RTN3: variants seen among roughly 807,000 people sequenced by gnomAD.
The protein encoded by RTN3 is reticulon-3.
In RTN3, 49 loss-of-function variants were observed where a neutral mutation model predicts 77.8. The observed-to-expected ratio is 0.63, with a 90% CI of 0.50 to 0.80. The LOEUF (loss-of-function observed/expected upper bound fraction) is 0.80, where lower values mean the gene tolerates loss of function less well. RTN3 is among the 30% of genes least tolerant of loss of function. The probability of loss-of-function intolerance (pLI) is 0.00; values close to 1 mark genes in which losing one functional copy is unlikely to be tolerated. For missense variants in RTN3, 1,236 were observed against 1,211.9 expected (o/e 1.02, Z -0.29); for synonymous variants, 464 against 446.9 (o/e 1.04, Z -0.48).
At chr11:63,731,564 T>A (rs954362866) in intron 3 of RTN3, among the ~76,000 whole-genome samples, 2 of 152,214 alleles carry the variant, frequency 1.3e-5, no homozygotes, top group Non-Finnish European at 2.9e-5. Context: ...ATTAAGTGAT[T>A]TAAACTGAAT....
intron 1 of RTN3, among the ~76,000 whole-genome samples, chr11:63,689,964 G>A (rs1941569052): frequency 6.6e-6 from 1 of 151,956 alleles, no homozygotes; most frequent in Non-Finnish European, 1.5e-5. Context: ...CACCATGTTG[G>A]TCAGGCTGGT....
intron 3 of RTN3, among the ~76,000 whole-genome samples, chr11:63,740,836 G>T (rs143636720): frequency 2.6e-5 from 4 of 152,128 alleles, no homozygotes; most frequent in Non-Finnish European, 5.9e-5. Flanking sequence ...GCAGAGGTTG[G>T]CAGTCAAATG....
chr11:63,698,970 T>C (rs1234058297), intron 1 of RTN3, among the ~76,000 whole-genome samples: 1 of 152,184 alleles, frequency 6.6e-6, no homozygotes, highest in Non-Finnish European at 1.5e-5. Context: ...TTAGGCAACT[T>C]TTTTATATTG....
intron 3 of RTN3, among the ~76,000 whole-genome samples, chr11:63,748,690 CGG>C: frequency 9.1e-6 from 1 of 109,292 alleles, no homozygotes; most frequent in East Asian, 2.9e-4. Flanking sequence ...TTTTTTTAGA[CGG>C]AGTTTCGCTC....
At chr11:63,704,374 T>A (rs1942393021) in intron 1 of RTN3, among the ~76,000 whole-genome samples, 1 of 152,154 alleles carries the variant, frequency 6.6e-6, no homozygotes, top group African/African-American at 2.4e-5. Context: ...TTGTGATTTT[T>A]AAAAAAATAT....
intron 3 of RTN3, among the ~76,000 whole-genome samples, chr11:63,735,228 G>T (rs761664384): frequency 2.6e-5 from 4 of 152,030 alleles, no homozygotes; most frequent in Non-Finnish European, 5.9e-5. Context: ...AACCTCAAGT[G>T]ATCTGCCCAC....
At chr11:63,688,379 C>T (rs960048174) in intron 1 of RTN3, among the ~76,000 whole-genome samples, 3 of 152,100 alleles carry the variant, frequency 2.0e-5, no homozygotes, top group Non-Finnish European at 2.9e-5. Context: ...CCCACCACCA[C>T]GCCTGGCTAA....
intron 3 of RTN3, among the ~76,000 whole-genome samples, chr11:63,735,182 G>T (rs193173934): frequency 1.3e-5 from 2 of 152,214 alleles, no homozygotes; most frequent in East Asian, 3.9e-4. Flanking sequence ...TAGAGACAGG[G>T]TTTCATCTTG....
chr11:63,734,781 A>ACACCCC (rs778043704), intron 3 of RTN3, among the ~76,000 whole-genome samples: 59 of 105,060 alleles, frequency 5.6e-4, no homozygotes, highest in East Asian at 1.3e-3. Context: ...ACACACACAC[A>ACACCCC]CCATACTGGA....
chr11:63,698,966 A>G (rs1306073175), intron 1 of RTN3, among the ~76,000 whole-genome samples: 1 of 152,208 alleles, frequency 6.6e-6, no homozygotes, highest in East Asian at 1.9e-4. Flanking sequence ...TGCCTTAGGC[A>G]ACTTTTTTAT....
intron 1 of RTN3, among the ~76,000 whole-genome samples, chr11:63,685,615 A>C (rs1941328376): frequency 6.6e-6 from 1 of 152,078 alleles, no homozygotes; most frequent in South Asian, 2.1e-4. Context: ...TGCACCATGA[A>C]AATAAGATGA....
chr11:63,754,644 G>A (rs1206862470), intron 7 of RTN3, among the ~76,000 whole-genome samples: 7 of 143,638 alleles, frequency 4.9e-5, no homozygotes. Context: ...AGGTTGCAGT[G>A]AGCCGAGATT....
intron 3 of RTN3, among the ~76,000 whole-genome samples, chr11:63,739,809 T>C (rs1313812138): frequency 6.6e-6 from 1 of 152,206 alleles, no homozygotes; most frequent in Non-Finnish European, 1.5e-5. Context: ...ACTTTAATTT[T>C]TTCTGATAAA....
At chr11:63,726,611 C>G (rs1464987634) in intron 3 of RTN3, among the ~76,000 whole-genome samples, 4 of 152,202 alleles carry the variant, frequency 2.6e-5, no homozygotes, top group African/African-American at 7.2e-5. Context: ...GCCTGTAATC[C>G]CAGCACTTTG....
rs1471565985 is a variant in RTN3 at position 63,732,383 on chromosome 11, C to T, written c.2530+11351C>T. 3.3e-5 allele frequency among the ~76,000 whole-genome samples: 5 copies of T among 151,740 alleles called. No homozygotes were observed. In the South Asian group the frequency reaches 6.2e-4, roughly 19 times the overall value. On this transcript the variant is annotated intron_variant, in intron 3 of 8. Coordinates refer to ENST00000377819, the MANE Select transcript of RTN3 (RefSeq NM_001265589.2). ...TGTAGAAATGGGGTCTCATGTTGCT[C>T]GGGCTGGTCTCGAACTCCTGGCCTC...
intron 3 of RTN3, among the ~76,000 whole-genome samples, chr11:63,736,664 G>A (rs1007064395): frequency 6.6e-6 from 1 of 152,268 alleles, no homozygotes; most frequent in African/African-American, 2.4e-5. Context: ...CTCCAGCCTG[G>A]ATGACAGAGA....
At chr11:63,733,487 TA>T (rs1427303563) in intron 3 of RTN3, among the ~76,000 whole-genome samples, 109 of 138,218 alleles carry the variant, frequency 7.9e-4, no homozygotes, top group South Asian at 9.1e-4. Flanking sequence ...TGTCTCAGAA[TA>T]AAAAAAAAAA....
chr11:63,730,645 A>AC (rs1462491037), intron 3 of RTN3, among the ~76,000 whole-genome samples: 2 of 151,812 alleles, frequency 1.3e-5, no homozygotes, highest in African/African-American at 2.4e-5. Context: ...TTTTGTAGAG[A>AC]CCCCCATCTC....
At chr11:63,734,734 AACACACACACACACACACACAC>A (rs754454322) in intron 3 of RTN3, among the ~76,000 whole-genome samples, 7 of 81,318 alleles carry the variant, frequency 8.6e-5, no homozygotes, top group Middle Eastern at 5.4e-3. Context: ...TCTGTCTCAA[AACACACACACACACACACACAC>A]ACACACACAC....
Sources: gnomAD v4.1 joint callset for allele counts (sites outside exome capture counted in the v4.1 genomes callset) on GRCh38, gnomAD v4.1.1 for gene constraint, MANE v1.5 for transcripts, NCBI Gene and HGNC (gene_info 2026-07-23, HGNC 2026-07-21) for gene names.